SCN4A: variants seen among roughly 807,000 people sequenced by gnomAD.
SCN4A encodes the protein sodium channel protein type 4 subunit alpha.
A neutral mutation model predicts 162.0 loss-of-function variants in SCN4A; 83 were observed. The ratio of observed to expected loss-of-function variants is 0.51; its 90% CI spans 0.43 to 0.61. The LOEUF is 0.61. SCN4A is among the 20% of genes least tolerant of loss of function. The probability of loss-of-function intolerance (pLI) is 0.00; values close to 1 mark genes in which losing one functional copy is unlikely to be tolerated. For synonymous variants in SCN4A, 944 were observed against 985.1 expected (o/e 0.96, Z 0.78); for missense variants, 2,196 against 2,462.5 (o/e 0.89, Z 2.29).
In SCN4A at chr17:63,942,258, GGTGTGTGTGTGTGT is replaced by G. The variant is rs58036769; in HGVS notation, c.4289-279_4289-266del. Among the ~76,000 whole-genome samples, 6,261 of 138,620 alleles carry G rather than the reference GGTGTGTGTGTGTGT, an allele frequency of 0.045. 448 individuals are homozygous for G. The highest frequency in any genetic ancestry group is 0.18 in the African/African-American group (5,848 of 32,054). The allele number at this position is 138,620 out of a possible 152,430, so 90.9% of individuals were successfully genotyped here. The stretch of plus-strand genomic sequence containing the variant: ...CCCAAGGCTGTTTGCAAATGCCACT[GGTGTGTGTGTGTGT>G]GTGTGTGTGTGTGTGTGTGTGTGAA... On this transcript the variant is annotated intron_variant, in intron 23 of 23. Transcript: ENST00000435607.
In SCN4A at chr17:63,948,780, G is replaced by C; in HGVS notation, c.2990-15C>G. ...CTGCACGCAGGCTGATGGGGTGAGG[G>C]GGGACAGGGACAGGCACCACATCAT... On this transcript the variant is annotated splice_polypyrimidine_tract_variant and intron_variant, in intron 15 of 23. Coordinates refer to ENST00000435607, the MANE Select transcript of SCN4A (RefSeq NM_000334.4). The C allele has an allele frequency of 6.3e-7, 1 of 1,589,120 alleles. No individual in the cohort carries two copies. The highest frequency in any genetic ancestry group is 8.6e-7 in the Non-Finnish European group (1 of 1,164,054).
rs202103551 is a variant in SCN4A at position 63,961,448 on chromosome 17, A to G, written c.1607-17T>C. On this transcript the variant is annotated splice_polypyrimidine_tract_variant and intron_variant, in intron 10 of 23. Coordinates refer to ENST00000435607, the MANE Select transcript of SCN4A (RefSeq NM_000334.4). Reference sequence around the variant, plus strand: ...CTTCCAGTTCTGGGAGAGGGGTGGTAGCAGGTATCTGGTGAGGATTATCCC... The same window carrying G: ...CTTCCAGTTCTGGGAGAGGGGTGGTGGCAGGTATCTGGTGAGGATTATCCC... The G allele has an allele frequency of 3.2e-4, 507 of 1,580,288 alleles. No homozygotes were observed. The highest frequency in any genetic ancestry group is 1.5e-3 in the Middle Eastern group (9 of 5,984).
intron 8 of SCN4A, among the ~76,000 whole-genome samples, chr17:63,964,903 G>A (rs1370052468): frequency 2.0e-5 from 3 of 152,222 alleles, no homozygotes; most frequent in South Asian, 4.1e-4. Context: ...GAGGAGGACC[G>A]AAGCCAGGCA....
At position 63,966,544 on chromosome 17, in the gene SCN4A, C is replaced by T. The variant is rs770342988; in HGVS notation, c.1037G>A (p.Gly346Glu). 6.2e-7 allele frequency: 1 copy of T among 1,613,498 alleles called. No homozygotes were observed. Among genetic ancestry groups the T allele is most frequent in the Non-Finnish European group, 8.5e-7 (1 of 1,179,588 alleles). The part of the protein sequence containing the change: ...FDWDAYISDE[G>E]NFYFLEGSND... Reference sequence around the variant, plus strand: ...GGAGCCCTCCAGGAAGTAGAAGTTCCCTTTGGGAGTCAGAGGCCACAAAGG... The same window carrying T: ...GGAGCCCTCCAGGAAGTAGAAGTTCTCTTTGGGAGTCAGAGGCCACAAAGG... Residue 346 changes from glycine to glutamate, a missense_variant and splice_region_variant, in exon 7 of 24, where the codon GGG (glycine) becomes GAG (glutamate). Physicochemically the swap from Gly to Glu is moderately conservative, Grantham distance 98. Coordinates refer to ENST00000435607, the MANE Select transcript of SCN4A (RefSeq NM_000334.4).
At chr17:63,947,773 T>G (rs1422941860) in intron 17 of SCN4A, 117 bp downstream of exon 17, 9 of 967,948 alleles carry the variant, frequency 9.3e-6, no homozygotes, top group Non-Finnish European at 1.4e-5. Context: ...TGATTGAGGG[T>G]CTGACTCTGG....
intron 6 of SCN4A, 84 bp downstream of exon 6, chr17:63,967,933 CAAAAAA>C: frequency 1.1e-6 from 1 of 894,334 alleles, no homozygotes; most frequent in Non-Finnish European, 1.6e-6. Flanking sequence ...GACTCCATCT[CAAAAAA>C]AAAAAAAAAG....
rs186041945 is a variant in SCN4A at position 63,969,559 on chromosome 17, T to C, written c.704-1204A>G. On this transcript the variant is annotated intron_variant, in intron 5 of 23. Coordinates refer to ENST00000435607, the MANE Select transcript of SCN4A (RefSeq NM_000334.4). ...GGAATTTGGGAAGTGCTTCCTCTCC[T>C]GGGTCTCACACCTTCCTCGGCTGCA... Among the ~76,000 whole-genome samples the C allele has an allele frequency of 9.6e-4, 147 of 152,364 alleles. 1 individual carries two copies. Among genetic ancestry groups the C allele is most frequent in the Admixed American group, 8.6e-3 (131 of 15,296 alleles).
At position 63,951,810 on chromosome 17, in the gene SCN4A, G is replaced by T; in HGVS notation, c.2467C>A (p.Gln823Lys). The change falls in exon 14 of 24, where the codon CAG (glutamine) becomes AAG (lysine). Residue 823 changes from glutamine (Q) to lysine (K), a missense_variant. Coordinates refer to ENST00000435607, the MANE Select transcript of SCN4A (RefSeq NM_000334.4). This position sits in a 1 kb window ranked among gnomAD's most constrained non-coding sequence, Gnocchi z 4.5. ...AACTTGATGCGCCCGATGGCAATCT[G>T]CAGGTTGTTCATCTCGCCATCCTCA... ...SDEDGEMNNL[Q>K]IAIGRIKLGI... The T allele has an allele frequency of 6.3e-7, 1 of 1,583,364 alleles. No individual in the cohort carries two copies. Among genetic ancestry groups the T allele is most frequent in the South Asian group, 1.2e-5 (1 of 86,948 alleles).
chr17:63,941,683 G>T lies in SCN4A; in HGVS notation c.4599C>A (p.Thr1533=). ...GNSIICLFEI[T]TSAGWDGLLN... ...GGAGCCCGTCCCAGCCGGCCGACGTGGTGATCTCGAACAGGCAGATGATGC... is the reference window on the plus strand; with the variant it reads ...GGAGCCCGTCCCAGCCGGCCGACGTTGTGATCTCGAACAGGCAGATGATGC... Residue 1533 remains threonine (T), a synonymous_variant, in exon 24 of 24, where the codon ACC becomes ACA. Transcript: ENST00000435607. This position sits in a 1 kb window ranked among gnomAD's most constrained non-coding sequence, Gnocchi z 6.2. The T allele has an allele frequency of 6.2e-7, 1 of 1,614,102 alleles. No individual in the cohort carries two copies. The highest frequency in any genetic ancestry group is 8.5e-7 in the Non-Finnish European group (1 of 1,180,010).
At chr17:63,965,345 G>A (rs9891362) in intron 8 of SCN4A, among the ~76,000 whole-genome samples, 119,500 of 152,236 alleles carry the variant, frequency 0.78, 49,658 homozygotes, top group East Asian at 0.97. Flanking sequence ...CACCCAGCCA[G>A]TAGCTGTTAT....
chr17:63,942,586 C>A (rs776898079), intron 23 of SCN4A, among the ~76,000 whole-genome samples: 10 of 152,258 alleles, frequency 6.6e-5, no homozygotes, highest in Non-Finnish European at 1.5e-4. Flanking sequence ...TATGTGGGCA[C>A]CTGAGTGCAC....
chr17:63,945,210 G>A lies in SCN4A; in HGVS notation c.3720+150C>T, dbSNP rs1908673679. The A allele has an allele frequency of 2.0e-6, 2 of 1,008,496 alleles. No homozygotes were observed. The highest frequency in any genetic ancestry group is 2.2e-5 in the Admixed American group (1 of 45,348). 62.5% of individuals were successfully genotyped at this position (1,008,496 alleles called of 1,614,324 possible). On this transcript the variant is annotated intron_variant, in intron 19 of 23. Transcript: ENST00000435607. The surrounding 1 kb of genome is among the most constrained non-coding windows in gnomAD (Gnocchi z 4.4). ...CTAGCATCAAATAAAGACCAGAGAG[G>A]TCTAGACACTGCCTGGGGATCCCAC...
rs1212586508 is a variant in SCN4A, at chr17:63,951,246, A to G, written c.2853+178T>C. 6.6e-6 allele frequency among the ~76,000 whole-genome samples: 1 copy of G among 152,192 alleles called. No homozygotes were observed. Among genetic ancestry groups the G allele is most frequent in the Non-Finnish European group, 1.5e-5 (1 of 68,038 alleles). Reference sequence around the variant, plus strand: ...ATAACGATAGTGACTGCCACCACTCACAGGGCGCGGACTGCATGCTTTACA... The same window carrying G: ...ATAACGATAGTGACTGCCACCACTCGCAGGGCGCGGACTGCATGCTTTACA... On this transcript the variant is annotated intron_variant, in intron 14 of 23. Transcript: ENST00000435607. This position sits in a 1 kb window ranked among gnomAD's most constrained non-coding sequence, Gnocchi z 4.5.
At chr17:63,942,200 G>T (rs1908561639) in intron 23 of SCN4A, among the ~76,000 whole-genome samples, 3 of 152,106 alleles carry the variant, frequency 2.0e-5, no homozygotes, top group Admixed American at 2.0e-4. Context: ...CTGGAGGTGG[G>T]ATACCCTGAA....
intron 6 of SCN4A, 139 bp from the exon 7 acceptor site, chr17:63,966,683 G>C (rs574075273): frequency 1.5e-6 from 1 of 667,148 alleles, no homozygotes; most frequent in Middle Eastern, 3.5e-4. Context: ...CCTCTTCCCC[G>C]TCCTTTAAGG....
chr17:63,963,133 G>A (rs538615805), intron 10 of SCN4A, among the ~76,000 whole-genome samples: 4 of 152,010 alleles, frequency 2.6e-5, no homozygotes, highest in East Asian at 1.9e-4. Context: ...TCCATCTGTC[G>A]TGTCGTGTCT....
chr17:63,945,723 C>A lies in SCN4A; in HGVS notation c.3442-85G>T. 1.3e-5 allele frequency: 19 copies of A among 1,466,158 alleles called. No homozygotes were observed. Among genetic ancestry groups the A allele is most frequent in the Non-Finnish European group, 1.7e-5 (18 of 1,061,472 alleles). The allele number at this position is 1,466,158 out of a possible 1,614,324, so 90.8% of individuals were successfully genotyped here. Reference sequence around the variant, plus strand: ...TCTCTACGCCACCCAGGGGACCAGGCAGAGCTGGGCATTGTCAATTAGGGA... The same window carrying A: ...TCTCTACGCCACCCAGGGGACCAGGAAGAGCTGGGCATTGTCAATTAGGGA... On this transcript the variant is annotated intron_variant, in intron 18 of 23. Transcript: ENST00000435607. This position sits in a 1 kb window ranked among gnomAD's most constrained non-coding sequence, Gnocchi z 4.4.
At chr17:63,949,854 TGGG>T (rs776425764) in intron 14 of SCN4A, 118 of 152,808 alleles carry the variant, frequency 7.7e-4, no homozygotes, top group Non-Finnish European at 1.2e-3. Context: ...CTGGGAGGCA[TGGG>T]GGGCCTGAAG....
chr17:63,961,033 C>A (rs1185546317), intron 11 of SCN4A, among the ~76,000 whole-genome samples, 160 bp downstream of exon 11: 1 of 148,670 alleles, frequency 6.7e-6, no homozygotes, highest in Non-Finnish European at 1.5e-5. Context: ...AGTACCCCCC[C>A]CCACATCAAC....
Sources: allele counts gnomAD v4.1 joint callset (sites outside exome capture counted in the v4.1 genomes callset), GRCh38; gene constraint gnomAD v4.1.1; non-coding constraint Gnocchi (gnomAD v3.1); transcripts MANE v1.5; gene names NCBI Gene and HGNC (gene_info 2026-07-23, HGNC 2026-07-21).